The following BTN3A3 variants were observed in gnomAD, a reference collection of about 807,000 sequenced individuals.
BTN3A3 encodes butyrophilin 3.
BTN3A3 carries 39 observed loss-of-function variants against 43.2 expected under a neutral mutation model. The ratio of observed to expected loss-of-function variants is 0.90; its 90% CI spans 0.70 to 1.18. The LOEUF (loss-of-function observed/expected upper bound fraction) is 1.18. BTN3A3 is among the 50% of genes most tolerant of loss of function. The pLI, the probability that BTN3A3 is intolerant of heterozygous loss-of-function variation, is 0.00. For missense variants in BTN3A3, 631 were observed against 722.8 expected, an observed-to-expected ratio of 0.87 and a Z score of 1.46; for synonymous variants, 255 against 272.7, an observed-to-expected ratio of 0.93 and a Z score of 0.64.
At chr6:26,444,415 T>C (rs985907474) in intron 4 of BTN3A3, 111 bp downstream of exon 4, 30 of 1,542,004 alleles carry the variant, frequency 1.9e-5, no homozygotes, top group South Asian at 5.8e-5. Context: ...CTAGCAATTG[T>C]CTGCACTGCC....
chr6:26,445,137 G>A (rs1353165179), intron 4 of BTN3A3: 1 of 159,960 alleles, frequency 6.3e-6, no homozygotes, highest in Non-Finnish European at 1.4e-5. Flanking sequence ...CCCATGATCT[G>A]TCACAGTGAT....
intron 8 of BTN3A3, 72 bp from the exon 9 acceptor site, chr6:26,449,590 G>A (rs985000151): frequency 2.3e-5 from 36 of 1,556,396 alleles, no homozygotes; most frequent in South Asian, 1.3e-4. Flanking sequence ...AGATGGATGC[G>A]AAAGGAAGTG....
intron 4 of BTN3A3, 148 bp downstream of exon 4, chr6:26,444,452 T>A: frequency 4.0e-6 from 5 of 1,242,896 alleles, no homozygotes; most frequent in Non-Finnish European, 5.6e-6. Flanking sequence ...CTGCAACCCT[T>A]AAGAAAGACA....
At chr6:26,443,347 A>G (rs1762690154) in intron 1 of BTN3A3, 35 bp from the exon 2 acceptor site, 5 of 995,402 alleles carry the variant, frequency 5.0e-6, no homozygotes, top group Non-Finnish European at 7.0e-6. Flanking sequence ...AGAGTCAGAG[A>G]TGTCCTGATC....
intron 1 of BTN3A3, among the ~76,000 whole-genome samples, chr6:26,441,097 A>T (rs1247091348): frequency 6.6e-6 from 1 of 152,198 alleles, no homozygotes; most frequent in Non-Finnish European, 1.5e-5. Flanking sequence ...TCATTACAGA[A>T]ATACTTATAA....
Position 26,452,460 on chromosome 6 carries a change from C to CT in BTN3A3, c.*51dup. The CT allele has an allele frequency of 3.4e-6, 5 of 1,478,170 alleles. No individual in the cohort carries two copies. Among genetic ancestry groups the CT allele is most frequent in the Non-Finnish European group, 4.5e-6 (5 of 1,104,750 alleles). The allele number at this position is 1,478,170 out of a possible 1,614,324, so 91.6% of individuals were successfully genotyped here. ...ACAGTTGTTTTGAGTTTCGTACCACCTTATTGTCCCCTTATACAGATAAGG... is the reference window on the plus strand; with the variant it reads ...ACAGTTGTTTTGAGTTTCGTACCACCTTTATTGTCCCCTTATACAGATAAGG... On this transcript the variant is annotated 3_prime_UTR_variant, in exon 11 of 11. Transcript: ENST00000244519.
chr6:26,440,564 G>A lies in BTN3A3; in HGVS notation c.-151G>A, dbSNP rs114195506. On this transcript the variant is annotated 5_prime_UTR_variant, in exon 1 of 11. Coordinates refer to ENST00000244519, the MANE Select transcript of BTN3A3 (RefSeq NM_006994.5). Reference sequence around the variant, plus strand: ...TTTCTTTTTCCTTTCTTCGGAATGAGAGACTCAACCATAATAGAAAGAATG... The same window carrying A: ...TTTCTTTTTCCTTTCTTCGGAATGAAAGACTCAACCATAATAGAAAGAATG... 6.6e-6 allele frequency: 1 copy of A among 152,190 alleles called. No homozygotes were observed. Among genetic ancestry groups the A allele is most frequent in the African/African-American group, 2.4e-5 (1 of 41,444 alleles). 9.4% of individuals were successfully genotyped at this position (152,190 alleles called of 1,614,324 possible). A position where few individuals can be genotyped will look rare whatever the true frequency, so the allele number is the denominator to read the frequency against.
chr6:26,450,277 A>T, intron 10 of BTN3A3, 144 bp downstream of exon 10: 4 of 974,018 alleles, frequency 4.1e-6, no homozygotes, highest in South Asian at 3.2e-5. Context: ...CCAATCTGAA[A>T]AGTGGGCCCA....
At chr6:26,444,669 G>C in intron 4 of BTN3A3, 1 of 387,082 alleles carries the variant, frequency 2.6e-6, no homozygotes, top group South Asian at 2.6e-5. Context: ...CGTTACCGTG[G>C]GTCCTGGGAG....
At chr6:26,449,983 A>C in intron 9 of BTN3A3, 124 bp from the exon 10 acceptor site, 1 of 1,166,492 alleles carries the variant, frequency 8.6e-7, no homozygotes, top group Non-Finnish European at 1.3e-6. Context: ...CTGTAGAGGA[A>C]GGAAGCTGAA....
At chr6:26,446,937 C>T (rs1762796412) in intron 5 of BTN3A3, among the ~76,000 whole-genome samples, 1 of 152,126 alleles carries the variant, frequency 6.6e-6, no homozygotes, top group South Asian at 2.1e-4. Context: ...CCATGTTGGC[C>T]AGGCTGGTTT....
intron 5 of BTN3A3, among the ~76,000 whole-genome samples, chr6:26,447,593 C>T (rs1762813658): frequency 6.6e-6 from 1 of 152,208 alleles, no homozygotes; most frequent in South Asian, 2.1e-4. Flanking sequence ...GACCTCCTGA[C>T]CTCAAGTGAT....
At chr6:26,445,469 A>G (rs1022051328) in intron 4 of BTN3A3, 13 of 572,460 alleles carry the variant, frequency 2.3e-5, no homozygotes, top group Admixed American at 9.2e-5. Context: ...TCCGGAACAG[A>G]TCCCTCTCCT....
chr6:26,446,748 A>C (rs1762789069), intron 5 of BTN3A3, among the ~76,000 whole-genome samples: 1 of 152,078 alleles, frequency 6.6e-6, no homozygotes, highest in Non-Finnish European at 1.5e-5. Context: ...ATGTTTTTTG[A>C]GAGGGAGTCT....
intron 9 of BTN3A3, 59 bp from the exon 10 acceptor site, chr6:26,450,048 G>A (rs1762887576): frequency 4.5e-6 from 7 of 1,544,060 alleles, no homozygotes; most frequent in Non-Finnish European, 6.3e-6. Flanking sequence ...AAGGAGAATG[G>A]AGTGGAGAAA....
chr6:26,448,492 C>A, intron 6 of BTN3A3, 44 bp downstream of exon 6: 1 of 1,608,000 alleles, frequency 6.2e-7, no homozygotes, highest in Non-Finnish European at 8.5e-7. Context: ...GCTTGCATGC[C>A]CCAGCCTGAA....
At position 26,451,657 on chromosome 6, in the gene BTN3A3, T is replaced by TC; in HGVS notation, c.1019-16dup. On this transcript the variant is annotated splice_polypyrimidine_tract_variant and intron_variant, in intron 10 of 10. Transcript: ENST00000244519. ...AAAAATGGCTGACCCCATGGACACC[T>TC]CCTCAAACTCTCTGCAGCGGATGTG... 1 of 1,596,698 alleles carries TC rather than the reference T, an allele frequency of 6.3e-7. No homozygotes were observed. Among genetic ancestry groups the TC allele is most frequent in the Non-Finnish European group, 8.5e-7 (1 of 1,170,566 alleles).
At chr6:26,444,473 T>A (rs1046517249) in intron 4 of BTN3A3, 169 bp downstream of exon 4, 6 of 1,066,492 alleles carry the variant, frequency 5.6e-6, no homozygotes, top group South Asian at 1.6e-5. Flanking sequence ...CATTCTTTCT[T>A]TAGAAAGAAT....
At chr6:26,443,115 C>T (rs1384489766) in intron 1 of BTN3A3, among the ~76,000 whole-genome samples, 1 of 152,118 alleles carries the variant, frequency 6.6e-6, no homozygotes, top group Non-Finnish European at 1.5e-5. Flanking sequence ...CTGGATCCCA[C>T]CAGGAGCCAC....
Sources: gnomAD v4.1 joint callset for allele counts (sites outside exome capture counted in the v4.1 genomes callset) on GRCh38, gnomAD v4.1.1 for gene constraint, MANE v1.5 for transcripts, NCBI Gene and HGNC (gene_info 2026-07-23, HGNC 2026-07-21) for gene names.